Variants in ZNF770 observed in about 807,000 individuals in gnomAD.
ZNF770 encodes the protein zinc finger protein 770.
Under a neutral mutation model 44.8 loss-of-function variants are expected in ZNF770, and 13 were observed. That is an observed-to-expected ratio of 0.29 (90% CI 0.19 to 0.46). ZNF770 has a LOEUF of 0.46. Among genes scored for constraint, ZNF770 ranks in the 20% least tolerant of loss-of-function variants. The pLI is 1.00. For missense variants in ZNF770, 681 were observed against 797.9 expected (o/e 0.85, Z 1.77); for synonymous variants, 304 against 271.8 (o/e 1.12, Z -1.17).
intron 2 of ZNF770, among the ~76,000 whole-genome samples, chr15:34,983,706 T>C (rs2050417219): frequency 6.6e-6 from 1 of 152,130 alleles, no homozygotes; most frequent in African/African-American, 2.4e-5. Flanking sequence ...TAAAAATCAA[T>C]ACAATTTTAA....
In ZNF770 at chr15:34,979,496, C is replaced by A; in HGVS notation, c.*1863G>T. 1 of 293,080 alleles carries A rather than the reference C, an allele frequency of 3.4e-6. No individual in the cohort carries two copies. Among genetic ancestry groups the A allele is most frequent in the Non-Finnish European group, 6.8e-6 (1 of 147,298 alleles). 18.2% of individuals were successfully genotyped at this position (293,080 alleles called of 1,614,324 possible). Reference sequence around the variant, plus strand: ...GTGTTCTTTAAAGCATGTGATTCTCCTGTTTTTGCTGGATGTCTGTATCTA... The same window carrying A: ...GTGTTCTTTAAAGCATGTGATTCTCATGTTTTTGCTGGATGTCTGTATCTA... On this transcript the variant is annotated 3_prime_UTR_variant, in exon 3 of 3. Transcript: ENST00000356321.
rs757126220 is a variant in ZNF770, at chr15:34,983,174, C to T, written c.261G>A (p.Gln87=). The change falls in exon 3 of 3, where the codon CAG becomes CAA. Residue 87 remains glutamine, a synonymous_variant. Transcript: ENST00000356321. ...ATGTCTTCAGATTTTTAAAGTGACG[C>T]TGACAAATACTACATTTAAAAGGCA... is the stretch of plus-strand genomic sequence containing the variant. ...HSLPFKCSIC[Q]RHFKNLKTFV... The T allele has an allele frequency of 1.3e-5, 21 of 1,613,734 alleles. No homozygotes were observed. Among genetic ancestry groups the T allele is most frequent in the Non-Finnish European group, 1.8e-5 (21 of 1,179,956 alleles).
In ZNF770 at chr15:34,983,015, T is replaced by C. The variant is rs377487191; in HGVS notation, c.420A>G (p.Ala140=). The change falls in exon 3 of 3, where the codon GCA becomes GCG. Residue 140 remains alanine, a synonymous_variant. Coordinates refer to ENST00000356321, the MANE Select transcript of ZNF770 (RefSeq NM_014106.4). Reference sequence around the variant, plus strand: ...GATCAGACTTAGAGCACGGGTGTAATGCCCATCTTTCCTCTGTGGTAAAAG... The same window carrying C: ...GATCAGACTTAGAGCACGGGTGTAACGCCCATCTTTCCTCTGTGGTAAAAG... ...YNTFTTEERW[A]LHPCSKSDPM... 7 of 1,613,968 alleles carry C rather than the reference T, an allele frequency of 4.3e-6. No individual in the cohort carries two copies. In the African/African-American group the frequency reaches 5.3e-5, roughly 12 times the overall value.
chr15:34,987,925 G>T (rs1356617224), intron 1 of ZNF770, among the ~76,000 whole-genome samples, 191 bp downstream of exon 1: 1 of 152,180 alleles, frequency 6.6e-6, no homozygotes, highest in Non-Finnish European at 1.5e-5. Flanking sequence ...GGTAAAAACT[G>T]CTTTGGCTGC....
chr15:34,984,445 T>A (rs546322611), intron 2 of ZNF770, among the ~76,000 whole-genome samples: 3 of 151,234 alleles, frequency 2.0e-5, no homozygotes, highest in Non-Finnish European at 3.0e-5. Context: ...TCACCTGAGG[T>A]CAGGAATTTT....
In ZNF770 at chr15:34,981,209, A is replaced by G; in HGVS notation, c.*150T>C. On this transcript the variant is annotated 3_prime_UTR_variant, in exon 3 of 3. Coordinates refer to ENST00000356321, the MANE Select transcript of ZNF770 (RefSeq NM_014106.4). The stretch of plus-strand genomic sequence containing the variant: ...TTCTAAAACATTGTATTAATTTTCT[A>G]TGTATTCTACCTCCTTACTATGCAG... 1.4e-6 allele frequency: 1 copy of G among 740,206 alleles called. No homozygotes were observed. Among genetic ancestry groups the G allele is most frequent in the Non-Finnish European group, 2.1e-6 (1 of 476,886 alleles). The allele number at this position is 740,206 out of a possible 1,614,324, so 45.9% of individuals were successfully genotyped here.
Position 34,981,623 on chromosome 15 carries a change from T to C in ZNF770, c.1812A>G (p.Ser604=). The stretch of plus-strand genomic sequence containing the variant: ...AACTGCAAAAAGGATTGCTTTGCTC[T>C]GATTCCAAAAGTACATTAGGAAGAC... ...QPCLPNVLLE[S]EQSNPFCSYS... Residue 604 remains serine, a synonymous_variant, in exon 3 of 3, where the codon TCA becomes TCG. Coordinates refer to ENST00000356321, the MANE Select transcript of ZNF770 (RefSeq NM_014106.4). 1 of 1,614,206 alleles carries C rather than the reference T, an allele frequency of 6.2e-7. No homozygotes were observed. Among genetic ancestry groups the C allele is most frequent in the Non-Finnish European group, 8.5e-7 (1 of 1,180,046 alleles).
chr15:34,983,458 G>A lies in ZNF770; in HGVS notation c.-24C>T. On this transcript the variant is annotated 5_prime_UTR_variant, in exon 3 of 3. Coordinates refer to ENST00000356321, the MANE Select transcript of ZNF770 (RefSeq NM_014106.4). ...ATATTCTTCAATGATATACTCTGAT[G>A]AGCTCCATACTGTTCTTAAATTCCA... 1.3e-6 allele frequency: 2 copies of A among 1,515,420 alleles called. No homozygotes were observed. The highest frequency in any genetic ancestry group is 1.8e-6 in the Non-Finnish European group (2 of 1,132,002). 93.9% of individuals were successfully genotyped at this position (1,515,420 alleles called of 1,614,324 possible). A position where few individuals can be genotyped will look rare whatever the true frequency, so the allele number is the denominator to read the frequency against.
chr15:34,984,349 C>T (rs545268681), intron 2 of ZNF770, among the ~76,000 whole-genome samples: 9 of 152,296 alleles, frequency 5.9e-5, no homozygotes, highest in Non-Finnish European at 1.0e-4. Flanking sequence ...AACCCACTGA[C>T]TAAATTTACA....
rs1351121778 is a variant in ZNF770, at chr15:34,988,237, C to G, written c.-295G>C. The G allele has an allele frequency of 2.0e-5, 3 of 152,326 alleles. No homozygotes were observed. The highest frequency in any genetic ancestry group is 7.2e-5 in the African/African-American group (3 of 41,570). 9.4% of individuals were successfully genotyped at this position (152,326 alleles called of 1,614,324 possible). ...GGCCCGGGAGGCACGCACCTCAGGC[C>G]CAGGTGCCGCGAAGGCAGCGCGCGC... On this transcript the variant is annotated 5_prime_UTR_variant, in exon 1 of 3. Transcript: ENST00000356321.
intron 2 of ZNF770, among the ~76,000 whole-genome samples, chr15:34,984,407 C>T (rs1452229733): frequency 1.3e-5 from 2 of 151,988 alleles, no homozygotes; most frequent in South Asian, 2.1e-4. Context: ...CCTGTAATCC[C>T]GCACTTTGGG....
chr15:34,986,403 T>C (rs2050434523), intron 2 of ZNF770, among the ~76,000 whole-genome samples: 1 of 152,062 alleles, frequency 6.6e-6, no homozygotes, highest in African/African-American at 2.4e-5. Context: ...TTAGAGAAAT[T>C]AGAGGTGAAC....
rs907651453 is a variant in ZNF770, at chr15:34,979,219, C to T, written c.*2140G>A. The T allele has an allele frequency of 6.4e-6, 1 of 157,154 alleles. No individual in the cohort carries two copies. Among genetic ancestry groups the T allele is most frequent in the African/African-American group, 2.4e-5 (1 of 41,466 alleles). 9.7% of individuals were successfully genotyped at this position (157,154 alleles called of 1,614,324 possible). Reference sequence around the variant, plus strand: ...AAGCACAACACTGTTAGGACTCTCCCTGTTTAGGCTGGGAAAAACATTATA... The same window carrying T: ...AAGCACAACACTGTTAGGACTCTCCTTGTTTAGGCTGGGAAAAACATTATA... On this transcript the variant is annotated 3_prime_UTR_variant, in exon 3 of 3. Coordinates refer to ENST00000356321, the MANE Select transcript of ZNF770 (RefSeq NM_014106.4).
In ZNF770 at chr15:34,983,273, T is replaced by C. The variant is rs747163078; in HGVS notation, c.162A>G (p.Pro54=). 1 of 1,613,424 alleles carries C rather than the reference T, an allele frequency of 6.2e-7. No individual in the cohort carries two copies. The highest frequency in any genetic ancestry group is 8.5e-7 in the Non-Finnish European group (1 of 1,179,474). The stretch of plus-strand genomic sequence containing the variant: ...TTTTATGACACACATCACATTCAAA[T>C]GGCTTTTGACCAGTATGAATGAGAT... ...RHYLIHTGQK[P]FECDVCHKTF... Residue 54 remains proline (P), a synonymous_variant, in exon 3 of 3, where the codon CCA becomes CCG. Coordinates refer to ENST00000356321, the MANE Select transcript of ZNF770 (RefSeq NM_014106.4).
Position 34,983,443 on chromosome 15 carries a change from A to G in ZNF770, c.-9T>C. The G allele has an allele frequency of 6.5e-7, 1 of 1,539,002 alleles. No homozygotes were observed. Among genetic ancestry groups the G allele is most frequent in the South Asian group, 1.3e-5 (1 of 77,792 alleles). On this transcript the variant is annotated 5_prime_UTR_variant, in exon 3 of 3. Coordinates refer to ENST00000356321, the MANE Select transcript of ZNF770 (RefSeq NM_014106.4). ...TTGTTTTCAGCCATCATATTCTTCA[A>G]TGATATACTCTGATGAGCTCCATAC...
chr15:34,983,965 T>C (rs922027652), intron 2 of ZNF770, among the ~76,000 whole-genome samples: 1 of 152,226 alleles, frequency 6.6e-6, no homozygotes, highest in Non-Finnish European at 1.5e-5. Flanking sequence ...TCACTTATCA[T>C]AGGTGGATTT....
chr15:34,983,195 A>C lies in ZNF770; in HGVS notation c.240T>G (p.Pro80=), dbSNP rs973995625. The part of the protein sequence containing the change: ...LERHQLTHSL[P]FKCSICQRHF... ...GACGCTGACAAATACTACATTTAAA[A>C]GGCAGACTATGAGTTAGTTGATGCC... The change falls in exon 3 of 3, where the codon CCT becomes CCG. Residue 80 remains proline, a synonymous_variant. Coordinates refer to ENST00000356321, the MANE Select transcript of ZNF770 (RefSeq NM_014106.4). 2 of 1,613,706 alleles carry C rather than the reference A, an allele frequency of 1.2e-6. No individual in the cohort carries two copies. The highest frequency in any genetic ancestry group is 2.7e-5 in the African/African-American group (2 of 74,930).
In ZNF770 at chr15:34,982,908, T is replaced by C; in HGVS notation, c.527A>G (p.Asp176Gly). The C allele has an allele frequency of 1.2e-6, 2 of 1,614,050 alleles. No individual in the cohort carries two copies. The highest frequency in any genetic ancestry group is 1.3e-5 in the African/African-American group (1 of 75,050). The change falls in exon 3 of 3, where the codon GAT (aspartate) becomes GGT (glycine). Residue 176 changes from aspartate to glycine, a missense_variant. By Grantham distance (94) the Asp-to-Gly change is moderately conservative. Transcript: ENST00000356321. ...ACCAGTATGAATAAGTACATGCCTATCAAGTTTTGACTGTGATGGAAACAT... is the reference window on the plus strand; with the variant it reads ...ACCAGTATGAATAAGTACATGCCTACCAAGTTTTGACTGTGATGGAAACAT... ...GKMFPSQSKL[D>G]RHVLIHTGQR... is the part of the protein sequence containing the mutation.
At chr15:34,986,139 T>C (rs1036147077) in intron 2 of ZNF770, among the ~76,000 whole-genome samples, 2 of 152,050 alleles carry the variant, frequency 1.3e-5, no homozygotes, top group Non-Finnish European at 2.9e-5. Flanking sequence ...TAGGGGCCCA[T>C]AGTATGAGAC....
Sources: allele counts gnomAD v4.1 joint callset (sites outside exome capture counted in the v4.1 genomes callset), GRCh38; gene constraint gnomAD v4.1.1; transcripts MANE v1.5; gene names NCBI Gene and HGNC (gene_info 2026-07-23, HGNC 2026-07-21).